The following ZC3H12C variants were observed in gnomAD, a reference collection of about 807,000 sequenced individuals.
ZC3H12C encodes the protein probable ribonuclease ZC3H12C.
Under a neutral mutation model 76.3 loss-of-function variants are expected in ZC3H12C, and 20 were observed. The observed-to-expected ratio is 0.26, with a 90% confidence interval of 0.18 to 0.38. The LOEUF is 0.38. ZC3H12C is among the 10% of genes least tolerant of loss of function. The pLI, the probability that ZC3H12C is intolerant of heterozygous loss-of-function variation, is 1.00. For missense variants in ZC3H12C, 874 were observed against 1,086.5 expected, an observed-to-expected ratio of 0.80 and a Z score of 2.75; for synonymous variants, 352 against 399.6, an observed-to-expected ratio of 0.88 and a Z score of 1.42.
intron 1 of ZC3H12C, among the ~76,000 whole-genome samples, chr11:110,119,156 T>A (rs958862552): frequency 2.9e-4 from 44 of 152,234 alleles, no homozygotes; most frequent in Non-Finnish European, 3.5e-4. Flanking sequence ...TAGCAAAAGA[T>A]CAGTGGAACA....
intron 1 of ZC3H12C, among the ~76,000 whole-genome samples, chr11:110,116,964 T>C (rs1027126217): frequency 1.2e-4 from 19 of 152,320 alleles, no homozygotes; most frequent in Middle Eastern, 3.4e-3. Context: ...AATTGTACCC[T>C]GGAGTTTATT....
intron 2 of ZC3H12C, among the ~76,000 whole-genome samples, chr11:110,143,297 G>T (rs531727975): frequency 1.3e-5 from 2 of 152,134 alleles, no homozygotes; most frequent in Non-Finnish European, 2.9e-5. Flanking sequence ...CTACGGAATA[G>T]ATGTAAGAGA....
chr11:110,100,990 G>A (rs1226000826), intron 1 of ZC3H12C, among the ~76,000 whole-genome samples: 3 of 152,164 alleles, frequency 2.0e-5, no homozygotes, highest in Non-Finnish European at 4.4e-5. Flanking sequence ...GGAAAAGTTT[G>A]AGGAGATTAA....
chr11:110,098,765 G>T (rs1360284922), intron 1 of ZC3H12C, among the ~76,000 whole-genome samples: 4 of 152,216 alleles, frequency 2.6e-5, no homozygotes, highest in African/African-American at 9.6e-5. Flanking sequence ...GCCTAGGAGT[G>T]TAGTAGGCTG....
intron 1 of ZC3H12C, among the ~76,000 whole-genome samples, chr11:110,132,532 A>T (rs73004188): frequency 0.018 from 2,794 of 152,284 alleles, 33 homozygotes; most frequent in Non-Finnish European, 0.03. Flanking sequence ...CCAATACAGT[A>T]TCTGGAAGGA....
At chr11:110,136,516 T>C (rs2134176231) in intron 1 of ZC3H12C, 147 bp from the exon 2 acceptor site, 1 of 842,024 alleles carries the variant, frequency 1.2e-6, no homozygotes, top group East Asian at 2.7e-5. Context: ...GATGATACTC[T>C]CTTGGCAAGG....
rs568047126 is a variant in ZC3H12C, at chr11:110,106,553, A to G, written c.21+13121A>G. On this transcript the variant is annotated intron_variant, in intron 1 of 5. Transcript: ENST00000278590. ...AAGCTTCAGTTTCTTTCTTTGTAAAATGGTGATAATAATACATATCGTGGT... is the reference window on the plus strand; with the variant it reads ...AAGCTTCAGTTTCTTTCTTTGTAAAGTGGTGATAATAATACATATCGTGGT... 3.3e-5 allele frequency among the ~76,000 whole-genome samples: 5 copies of G among 152,346 alleles called. No homozygotes were observed. The South Asian group carries it at 1.0e-3, about 32-fold the overall frequency.
intron 1 of ZC3H12C, chr11:110,135,791 A>AT (rs1565259603): frequency 4.6e-5 from 7 of 151,322 alleles, no homozygotes; most frequent in African/African-American, 1.7e-4. Flanking sequence ...CTGAGATAAC[A>AT]TTATCTAATA....
intron 3 of ZC3H12C, among the ~76,000 whole-genome samples, chr11:110,157,430 CTT>C (rs1238127792): frequency 7.5e-4 from 85 of 114,000 alleles, no homozygotes; most frequent in African/African-American, 1.5e-3. Context: ...AAGGTCTGGT[CTT>C]TTTTTTTTTT....
At chr11:110,107,016 A>G (rs1475551949) in intron 1 of ZC3H12C, among the ~76,000 whole-genome samples, 1 of 152,230 alleles carries the variant, frequency 6.6e-6, no homozygotes, top group Non-Finnish European at 1.5e-5. Context: ...TAACACAGGT[A>G]TCTCCTGCTT....
At chr11:110,138,441 A>G (rs1432476678) in intron 2 of ZC3H12C, among the ~76,000 whole-genome samples, 1 of 152,172 alleles carries the variant, frequency 6.6e-6, no homozygotes, top group African/African-American at 2.4e-5. Context: ...ATCAAAAAGT[A>G]AAAAGAAACA....
At chr11:110,114,206 C>G (rs1565250655) in intron 1 of ZC3H12C, among the ~76,000 whole-genome samples, 1 of 151,970 alleles carries the variant, frequency 6.6e-6, no homozygotes, top group East Asian at 1.9e-4. Flanking sequence ...GGCAACAATC[C>G]TTTTTTTTCT....
At chr11:110,115,417 C>G (rs1281561287) in intron 1 of ZC3H12C, among the ~76,000 whole-genome samples, 1 of 152,182 alleles carries the variant, frequency 6.6e-6, no homozygotes, top group Non-Finnish European at 1.5e-5. Context: ...GTTCTCCTGT[C>G]TCAGCCTCCT....
At chr11:110,151,280 G>T (rs1360587017) in intron 2 of ZC3H12C, among the ~76,000 whole-genome samples, 1 of 152,140 alleles carries the variant, frequency 6.6e-6, no homozygotes, top group Non-Finnish European at 1.5e-5. Context: ...GAGTAAATGT[G>T]ACAGTTATCC....
At position 110,165,870 on chromosome 11, in the gene ZC3H12C, TATC is replaced by T. The variant is rs1315644212; in HGVS notation, c.*136_*138del. 1 of 848,552 alleles carries T rather than the reference TATC, an allele frequency of 1.2e-6. No homozygotes were observed. Among genetic ancestry groups the T allele is most frequent in the Non-Finnish European group, 1.8e-6 (1 of 562,322 alleles). The allele number at this position is 848,552 out of a possible 1,614,324, so 52.6% of individuals were successfully genotyped here. ...TAGTATCCATTTATGTGAAATACTG[TATC>T]ATGGAATCTGTATGTATAGCCCCAC... On this transcript the variant is annotated 3_prime_UTR_variant, in exon 6 of 6. Coordinates refer to ENST00000278590, the MANE Select transcript of ZC3H12C (RefSeq NM_033390.2).
In ZC3H12C at chr11:110,136,926, T is replaced by C; in HGVS notation, c.285T>C (p.Asn95=). The stretch of plus-strand genomic sequence containing the variant: ...CTGGTGACTCTGAAGAAAACACAAA[T>C]TCTGATCATGAGTCAGAACAATTGG... ...ASSGDSEENT[N]SDHESEQLGS... is the part of the protein sequence containing the mutation. The change falls in exon 2 of 6, where the codon AAT becomes AAC. Residue 95 remains asparagine (N), a synonymous_variant. Transcript: ENST00000278590. 1 of 1,613,744 alleles carries C rather than the reference T, an allele frequency of 6.2e-7. No individual in the cohort carries two copies. The highest frequency in any genetic ancestry group is 8.5e-7 in the Non-Finnish European group (1 of 1,179,794).
rs758916089 is a variant in ZC3H12C, at chr11:110,137,024, C to T, written c.383C>T (p.Pro128Leu). 3.7e-6 allele frequency: 6 copies of T among 1,613,808 alleles called. No individual in the cohort carries two copies. Among genetic ancestry groups the T allele is most frequent in the Non-Finnish European group, 5.1e-6 (6 of 1,179,856 alleles). ...RQLCRSPCLE[P>L]HILKRNEILQ... is the part of the protein sequence containing the mutation. ...CTCTGCAGGTCTCCCTGTTTAGAGCCTCACATACTCAAGCGCAATGAAATT... is the reference window on the plus strand; with the variant it reads ...CTCTGCAGGTCTCCCTGTTTAGAGCTTCACATACTCAAGCGCAATGAAATT... Residue 128 changes from proline (P) to leucine (L), a missense_variant, in exon 2 of 6, where the codon CCT (proline) becomes CTT (leucine). Transcript: ENST00000278590.
At chr11:110,129,908 G>C (rs191020886) in intron 1 of ZC3H12C, among the ~76,000 whole-genome samples, 3 of 151,900 alleles carry the variant, frequency 2.0e-5, no homozygotes, top group Admixed American at 2.0e-4. Context: ...TATACATATT[G>C]CAGCCTGAAA....
At chr11:110,144,877 A>G (rs967033862) in intron 2 of ZC3H12C, among the ~76,000 whole-genome samples, 2 of 152,160 alleles carry the variant, frequency 1.3e-5, no homozygotes, top group African/African-American at 4.8e-5. Context: ...CCCCGTGTCT[A>G]TCATTGGAAG....
Sources: allele counts gnomAD v4.1 joint callset (sites outside exome capture counted in the v4.1 genomes callset), GRCh38; gene constraint gnomAD v4.1.1; transcripts MANE v1.5; gene names NCBI Gene and HGNC (gene_info 2026-07-23, HGNC 2026-07-21).